FOXN3: variants seen among roughly 807,000 people sequenced by gnomAD.
The protein encoded by FOXN3 is forkhead box protein N3.
A neutral mutation model predicts 38.4 loss-of-function variants in FOXN3; 7 were observed. That is an observed-to-expected ratio of 0.18 (90% CI 0.10 to 0.34). FOXN3 has a LOEUF of 0.34. Among genes scored for constraint, FOXN3 ranks in the 10% least tolerant of loss-of-function variants. FOXN3 has a pLI of 1.00. For synonymous variants in FOXN3, 230 were observed against 242.2 expected (o/e 0.95, Z 0.47); for missense variants, 456 against 613.4 (o/e 0.74, Z 2.71).
intron 1 of FOXN3, among the ~76,000 whole-genome samples, chr14:89,610,814 C>T (rs373309855): frequency 1.3e-5 from 2 of 152,298 alleles, no homozygotes; most frequent in African/African-American, 2.4e-5. Context: ...ACTGAATGAA[C>T]GTGAGGATGA....
chr14:89,455,462 G>A (rs1219474134), intron 1 of FOXN3, among the ~76,000 whole-genome samples: 2 of 152,328 alleles, frequency 1.3e-5, no homozygotes, highest in East Asian at 3.9e-4. Context: ...ACCATCTAAT[G>A]GGTGGGGGCA....
chr14:89,311,269 G>A (rs972054599), intron 3 of FOXN3, among the ~76,000 whole-genome samples: 24 of 149,278 alleles, frequency 1.6e-4, no homozygotes, highest in African/African-American at 5.7e-4. Context: ...TCAGGAGTTC[G>A]AGACCAGCCT....
chr14:89,279,627 T>C (rs1244324328), intron 4 of FOXN3, among the ~76,000 whole-genome samples: 4 of 152,208 alleles, frequency 2.6e-5, no homozygotes, highest in Admixed American at 2.6e-4. Context: ...ACAGAATAGA[T>C]TTTTTTAAAT....
chr14:89,432,414 C>T (rs1438055800), intron 1 of FOXN3, among the ~76,000 whole-genome samples: 5 of 152,184 alleles, frequency 3.3e-5, no homozygotes, highest in Admixed American at 6.5e-5. Flanking sequence ...CCAATGACTG[C>T]GATCCAAAGG....
chr14:89,288,445 A>G (rs1886705751), intron 3 of FOXN3, among the ~76,000 whole-genome samples: 2 of 152,194 alleles, frequency 1.3e-5, no homozygotes, highest in Admixed American at 1.3e-4. Flanking sequence ...CTCTGGCACC[A>G]TATCTATCGA....
At chr14:89,353,689 A>T (rs1382803647) in intron 2 of FOXN3, 1 of 152,152 alleles carries the variant, frequency 6.6e-6, no homozygotes. Flanking sequence ...CATCAAGCTG[A>T]GGTTTAATTC....
intron 4 of FOXN3, chr14:89,230,826 G>A: frequency 2.2e-6 from 1 of 455,648 alleles, no homozygotes; most frequent in Non-Finnish European, 4.4e-6. Flanking sequence ...TCCTTACAGT[G>A]TTCAGCCTTG....
intron 2 of FOXN3, among the ~76,000 whole-genome samples, chr14:89,405,434 G>A (rs916936083): frequency 1.3e-5 from 2 of 152,060 alleles, no homozygotes; most frequent in African/African-American, 2.4e-5. Context: ...CCACACCTGG[G>A]TGCGACCTCA....
intron 1 of FOXN3, among the ~76,000 whole-genome samples, chr14:89,518,645 T>C (rs1164038132): frequency 6.6e-6 from 1 of 152,162 alleles, no homozygotes; most frequent in Non-Finnish European, 1.5e-5. Flanking sequence ...TGTTTAAACA[T>C]AGGGAGAGAT....
chr14:89,186,263 C>T (rs1054911333), intron 4 of FOXN3, among the ~76,000 whole-genome samples: 1 of 152,144 alleles, frequency 6.6e-6, no homozygotes, highest in African/African-American at 2.4e-5. Flanking sequence ...TGACATACAT[C>T]CCAGTTCCAG....
chr14:89,511,291 C>CTTTT (rs1894087094), intron 1 of FOXN3, among the ~76,000 whole-genome samples: 1 of 105,796 alleles, frequency 9.5e-6, no homozygotes, highest in African/African-American at 3.9e-5. Flanking sequence ...TTCTTTCTTT[C>CTTTT]TTTCTTTCTT....
At chr14:89,587,587 G>T (rs1895866579) in intron 1 of FOXN3, among the ~76,000 whole-genome samples, 1 of 152,184 alleles carries the variant, frequency 6.6e-6, no homozygotes, top group Non-Finnish European at 1.5e-5. Flanking sequence ...CAGGCATCAG[G>T]CCGGGCACAG....
intron 1 of FOXN3, among the ~76,000 whole-genome samples, chr14:89,597,860 T>C (rs1398378833): frequency 1.3e-5 from 2 of 152,140 alleles, no homozygotes; most frequent in East Asian, 1.9e-4. Flanking sequence ...AAAAATCCAA[T>C]CTGATAATCT....
At chr14:89,490,622 G>A (rs1417128554) in intron 1 of FOXN3, among the ~76,000 whole-genome samples, 1 of 152,188 alleles carries the variant, frequency 6.6e-6, no homozygotes, top group Non-Finnish European at 1.5e-5. Flanking sequence ...GTGAGTCTAT[G>A]AATATGAAAA....
At chr14:89,491,844 G>A (rs762463979) in intron 1 of FOXN3, among the ~76,000 whole-genome samples, 4 of 152,142 alleles carry the variant, frequency 2.6e-5, no homozygotes, top group Non-Finnish European at 4.4e-5. Flanking sequence ...GAATGGAAGC[G>A]ATTGAGTTTC....
At chr14:89,351,536 C>A (rs1344574322) in intron 2 of FOXN3, among the ~76,000 whole-genome samples, 3 of 152,156 alleles carry the variant, frequency 2.0e-5, no homozygotes, top group African/African-American at 7.2e-5. Flanking sequence ...AGGGAGGCTT[C>A]CTGTGAGGCC....
chr14:89,249,487 AC>A (rs1218865011), intron 4 of FOXN3, among the ~76,000 whole-genome samples: 2 of 152,370 alleles, frequency 1.3e-5, no homozygotes, highest in Non-Finnish European at 2.9e-5. Flanking sequence ...ACTACTAAAT[AC>A]CTTCCAGCAC....
chr14:89,186,637 G>A (rs1887816440), intron 4 of FOXN3, among the ~76,000 whole-genome samples: 1 of 152,174 alleles, frequency 6.6e-6, no homozygotes, highest in South Asian at 2.1e-4. Context: ...CTGTTCTGAA[G>A]GCAGCATCCT....
chr14:89,281,767 G>C (rs1219103105), intron 3 of FOXN3, among the ~76,000 whole-genome samples: 1 of 152,114 alleles, frequency 6.6e-6, no homozygotes, highest in Non-Finnish European at 1.5e-5. Flanking sequence ...GTGGAAAGTA[G>C]GTTATATTCT....
Sources: gnomAD v4.1 joint callset for allele counts (sites outside exome capture counted in the v4.1 genomes callset) on GRCh38, gnomAD v4.1.1 for gene constraint, MANE v1.5 for transcripts, NCBI Gene and HGNC (gene_info 2026-07-23, HGNC 2026-07-21) for gene names.